CAB39: variants seen among roughly 807,000 people sequenced by gnomAD.
The protein encoded by CAB39 is calcium-binding protein 39.
A neutral mutation model predicts 40.0 loss-of-function variants in CAB39; 8 were observed. The observed-to-expected ratio is 0.20, with a 90% CI of 0.12 to 0.36. CAB39 has a LOEUF of 0.36. Among genes scored for constraint, CAB39 ranks in the 10% least tolerant of loss-of-function variants. CAB39 has a pLI of 1.00. For synonymous variants in CAB39, 156 were observed against 141.6 expected, an observed-to-expected ratio of 1.10 and a Z score of -0.72; for missense variants, 270 against 401.1, an observed-to-expected ratio of 0.67 and a Z score of 2.79.
chr2:230,758,596 C>G lies in CAB39; in HGVS notation c.-43-1363C>G, dbSNP rs150386379. On this transcript the variant is annotated intron_variant, in intron 1 of 8. Coordinates refer to ENST00000258418, the MANE Select transcript of CAB39 (RefSeq NM_016289.4). ...CTATTTCAAACTTAAGGGAAAAACA[C>G]TCAAGTTTGTTCATCAAATCTTAGG... Among the ~76,000 whole-genome samples, 4 of 152,272 alleles carry G rather than the reference C, an allele frequency of 2.6e-5. No individual in the cohort carries two copies. The East Asian group carries it at 7.7e-4, about 29-fold the overall frequency.
At chr2:230,747,139 C>T (rs1395732651) in intron 1 of CAB39, among the ~76,000 whole-genome samples, 1 of 152,032 alleles carries the variant, frequency 6.6e-6, no homozygotes, top group African/African-American at 2.4e-5. Flanking sequence ...GCAGGAGAAT[C>T]GCTTAAACCT....
intron 1 of CAB39, among the ~76,000 whole-genome samples, chr2:230,754,402 C>CCCCTCCTTCTTCCCCTTT (rs1695150250): frequency 2.4e-5 from 3 of 123,324 alleles, no homozygotes; most frequent in Non-Finnish European, 3.6e-5. Flanking sequence ...TCTTCCCCTT[C>CCCCTCCTTCTTCCCCTTT]CCCTCCTTCT....
At chr2:230,817,535 C>T (rs988217140) in intron 7 of CAB39, among the ~76,000 whole-genome samples, 5 of 152,058 alleles carry the variant, frequency 3.3e-5, no homozygotes, top group Non-Finnish European at 5.9e-5. Flanking sequence ...AAGCGTCAGG[C>T]CTCCCGTAGA....
chr2:230,725,350 C>G, intron 1 of CAB39: 1 of 1,591,340 alleles, frequency 6.3e-7, no homozygotes, highest in East Asian at 2.2e-5. Flanking sequence ...TCCCCACTGG[C>G]TTCTCCCCCA....
At position 230,819,190 on chromosome 2, in the gene CAB39, CA is replaced by C. The variant is rs1396631610; in HGVS notation, c.*490del. On this transcript the variant is annotated 3_prime_UTR_variant, in exon 9 of 9. Coordinates refer to ENST00000258418, the MANE Select transcript of CAB39 (RefSeq NM_016289.4). Reference sequence around the variant, plus strand: ...TATCTGAAATCAGAGGGGAGCTATCCAAAATGGGAGTTTGGGGGCAGCTAAA... The same window carrying C: ...TATCTGAAATCAGAGGGGAGCTATCCAAATGGGAGTTTGGGGGCAGCTAAA... 6.6e-6 allele frequency: 1 copy of C among 152,372 alleles called. No individual in the cohort carries two copies. Among genetic ancestry groups the C allele is most frequent in the Non-Finnish European group, 1.5e-5 (1 of 68,168 alleles). The allele number at this position is 152,372 out of a possible 1,614,324, so 9.4% of individuals were successfully genotyped here.
intron 1 of CAB39, among the ~76,000 whole-genome samples, chr2:230,744,239 C>T (rs776739656): frequency 6.7e-6 from 1 of 149,402 alleles, no homozygotes; most frequent in Non-Finnish European, 1.5e-5. Context: ...TTCTTAACTT[C>T]GAAGAGCTAC....
chr2:230,729,609 T>C (rs892861000), intron 1 of CAB39, among the ~76,000 whole-genome samples: 1 of 151,692 alleles, frequency 6.6e-6, no homozygotes, highest in African/African-American at 2.4e-5. Flanking sequence ...AAAAATCAGC[T>C]GGGCGTGGTG....
At chr2:230,759,462 G>T (rs1695251380) in intron 1 of CAB39, among the ~76,000 whole-genome samples, 1 of 152,190 alleles carries the variant, frequency 6.6e-6, no homozygotes, top group South Asian at 2.1e-4. Context: ...TGTACAGTGT[G>T]GTGATTAAGG....
intron 2 of CAB39, among the ~76,000 whole-genome samples, chr2:230,768,200 CTT>C (rs1258453990): frequency 1.3e-5 from 2 of 152,192 alleles, no homozygotes; most frequent in East Asian, 3.8e-4. Context: ...ATTGCTAAGA[CTT>C]ATAAGAGTTT....
At chr2:230,764,880 A>G (rs1022028844) in intron 2 of CAB39, among the ~76,000 whole-genome samples, 7 of 152,288 alleles carry the variant, frequency 4.6e-5, no homozygotes, top group Admixed American at 6.5e-5. Flanking sequence ...CTTTATATGT[A>G]CATGCCATTT....
At chr2:230,767,086 A>G (rs921365711) in intron 2 of CAB39, among the ~76,000 whole-genome samples, 4 of 152,220 alleles carry the variant, frequency 2.6e-5, no homozygotes, top group Admixed American at 6.5e-5. Context: ...TTAAAATGCC[A>G]TTTCTTCCCA....
chr2:230,785,082 C>A (rs1336227846), intron 2 of CAB39, among the ~76,000 whole-genome samples: 3 of 152,210 alleles, frequency 2.0e-5, no homozygotes, highest in Non-Finnish European at 4.4e-5. Context: ...TCTGTCCAGG[C>A]ATGCTGGAGC....
At chr2:230,803,692 C>A (rs1046339304) in intron 5 of CAB39, among the ~76,000 whole-genome samples, 1 of 152,172 alleles carries the variant, frequency 6.6e-6, no homozygotes, top group Non-Finnish European at 1.5e-5. Flanking sequence ...GTGCAACTTA[C>A]AAGGGATGTG....
chr2:230,780,060 C>G (rs1303232952), intron 2 of CAB39, among the ~76,000 whole-genome samples: 1 of 152,084 alleles, frequency 6.6e-6, no homozygotes, highest in Non-Finnish European at 1.5e-5. Context: ...TCGGATGGTC[C>G]AGTAAGACCC....
intron 1 of CAB39, among the ~76,000 whole-genome samples, chr2:230,747,167 G>A (rs1052212091): frequency 1.2e-4 from 19 of 152,194 alleles, no homozygotes; most frequent in Non-Finnish European, 2.5e-4. Flanking sequence ...AGAAGTTGCA[G>A]TGAGCTGAGA....
intron 1 of CAB39, among the ~76,000 whole-genome samples, chr2:230,717,175 C>A (rs984604348): frequency 6.6e-6 from 1 of 151,918 alleles, no homozygotes; most frequent in African/African-American, 2.4e-5. Flanking sequence ...TTTTTTTACA[C>A]ACTTTGATAA....
chr2:230,816,912 C>G (rs1352199137), intron 7 of CAB39, among the ~76,000 whole-genome samples: 1 of 152,232 alleles, frequency 6.6e-6, no homozygotes, highest in Non-Finnish European at 1.5e-5. Context: ...CTCCACAGCT[C>G]TGCCACCGCC....
intron 1 of CAB39, among the ~76,000 whole-genome samples, chr2:230,749,562 A>G (rs547008421): frequency 1.1e-4 from 17 of 152,350 alleles, no homozygotes; most frequent in African/African-American, 3.8e-4. Context: ...CTCTGCATGT[A>G]TAGATAAAGA....
chr2:230,742,812 G>A (rs1454958803), intron 1 of CAB39, among the ~76,000 whole-genome samples: 2 of 152,106 alleles, frequency 1.3e-5, no homozygotes, highest in African/African-American at 2.4e-5. Flanking sequence ...CTGGCAAATC[G>A]GAAAGGTTAA....
Sources: allele counts gnomAD v4.1 joint callset (sites outside exome capture counted in the v4.1 genomes callset), GRCh38; gene constraint gnomAD v4.1.1; transcripts MANE v1.5; gene names NCBI Gene and HGNC (gene_info 2026-07-23, HGNC 2026-07-21).